IKBKE: variants seen among roughly 807,000 people sequenced by gnomAD.
The protein encoded by IKBKE is inhibitor of nuclear factor kappa B kinase subunit epsilon.
Under a neutral mutation model 92.1 loss-of-function variants are expected in IKBKE, and 45 were observed. The observed-to-expected ratio is 0.49, with a 90% CI of 0.38 to 0.63. The LOEUF is 0.63. Among genes scored for constraint, IKBKE ranks in the 20% least tolerant of loss-of-function variants. The probability of loss-of-function intolerance (pLI) is 0.00; values close to 1 mark genes in which losing one functional copy is unlikely to be tolerated. For missense variants in IKBKE, 700 were observed against 932.8 expected, an observed-to-expected ratio of 0.75 and a Z score of 3.25; for synonymous variants, 374 against 380.3, an observed-to-expected ratio of 0.98 and a Z score of 0.19.
rs782660796 is a variant in IKBKE, at chr1:206,479,856, G to T, written c.1184-14G>T. 3.7e-6 allele frequency: 6 copies of T among 1,613,668 alleles called. No individual in the cohort carries two copies. Among genetic ancestry groups the T allele is most frequent in the South Asian group, 1.1e-5 (1 of 90,986 alleles). ...CATACAGGCAGGCCCCTCAGACAGG[G>T]TCTTTGTCTGCAGCTGCTCTGGACG... On this transcript the variant is annotated splice_polypyrimidine_tract_variant and intron_variant, in intron 10 of 21. Coordinates refer to ENST00000581977, the MANE Select transcript of IKBKE (RefSeq NM_014002.4).
At chr1:206,483,476 C>T (rs1343902934) in intron 13 of IKBKE, among the ~76,000 whole-genome samples, 7 of 152,186 alleles carry the variant, frequency 4.6e-5, no homozygotes, top group African/African-American at 9.7e-5. Flanking sequence ...AGGCACGAGA[C>T]GTACGAGGAG....
chr1:206,493,347 C>G lies in IKBKE; in HGVS notation c.2014C>G (p.Pro672Ala), dbSNP rs1225884653. ...QASPPPIAPY[P>A]SPTRKDLLLH... ...CTCGCCGCCTCCCATAGCTCCTTAC[C>G]CCAGCCCTACACGAAAGGACCTGCT... is the stretch of plus-strand genomic sequence containing the variant. The change falls in exon 20 of 22, where the codon CCC becomes GCC. Residue 672 changes from proline (P) to alanine (A), a missense_variant. Transcript: ENST00000581977. 4 of 1,613,822 alleles carry G rather than the reference C, an allele frequency of 2.5e-6. No individual in the cohort carries two copies. Among genetic ancestry groups the G allele is most frequent in the Non-Finnish European group, 3.4e-6 (4 of 1,179,872 alleles).
In IKBKE at chr1:206,490,953, C is replaced by A; in HGVS notation, c.1733+95C>A. ...ACGCCAGAGGAGAGGCAGTGAAGGG[C>A]CCTGTCCCGGACTGCAGCTGAGCAG... On this transcript the variant is annotated intron_variant, in intron 17 of 21. Coordinates refer to ENST00000581977, the MANE Select transcript of IKBKE (RefSeq NM_014002.4). This position sits in a 1 kb window ranked among gnomAD's most constrained non-coding sequence, Gnocchi z 5.2. The A allele has an allele frequency of 8.4e-7, 1 of 1,187,672 alleles. No homozygotes were observed. The highest frequency in any genetic ancestry group is 1.3e-6 in the Non-Finnish European group (1 of 798,402). The allele number at this position is 1,187,672 out of a possible 1,614,324, so 73.6% of individuals were successfully genotyped here.
At chr1:206,484,394 G>A (rs1553388017) in intron 13 of IKBKE, among the ~76,000 whole-genome samples, 3 of 152,154 alleles carry the variant, frequency 2.0e-5, no homozygotes, top group Non-Finnish European at 4.4e-5. Context: ...CCACTGGCTG[G>A]TGATGGCCTG....
At position 206,491,712 on chromosome 1, in the gene IKBKE, T is replaced by C. The variant is rs782141896; in HGVS notation, c.1798T>C (p.Tyr600His). 6.2e-7 allele frequency: 1 copy of C among 1,613,526 alleles called. No homozygotes were observed. Among genetic ancestry groups the C allele is most frequent in the African/African-American group, 1.3e-5 (1 of 74,996 alleles). The change falls in exon 18 of 22, where the codon TAT becomes CAT. Residue 600 changes from tyrosine to histidine, a missense_variant. Coordinates refer to ENST00000581977, the MANE Select transcript of IKBKE (RefSeq NM_014002.4). ...GTTCCAGGAGGAGTGCGTGCAGAAG[T>C]ATCAAGCGTCCTTAGTCACACACGG... Reference protein sequence around the residue: ...QVFQEECVQKYQASLVTHGKR... With the variant: ...QVFQEECVQKHQASLVTHGKR...
Position 206,485,289 on chromosome 1 carries a change from G to C in IKBKE, c.1599G>C (p.Gln533His). ...LNRELVKSRDQVHEDRSIQQI... is the reference protein window; with the variant it reads ...LNRELVKSRDHVHEDRSIQQI... ...GGGAGCTGGTGAAGAGCCGGGATCAGGTACATGAGGACAGAAGGTCTGTGG... is the reference window on the plus strand; with the variant it reads ...GGGAGCTGGTGAAGAGCCGGGATCACGTACATGAGGACAGAAGGTCTGTGG... The change falls in exon 15 of 22, where the codon CAG becomes CAC. Residue 533 changes from glutamine (Q) to histidine (H), a missense_variant. Physicochemically the swap from Gln to His is conservative, Grantham distance 24. Coordinates refer to ENST00000581977, the MANE Select transcript of IKBKE (RefSeq NM_014002.4). The surrounding 1 kb of genome is among the most constrained non-coding windows in gnomAD (Gnocchi z 5.0). 2 of 1,608,876 alleles carry C rather than the reference G, an allele frequency of 1.2e-6. No individual in the cohort carries two copies. The highest frequency in any genetic ancestry group is 8.5e-7 in the Non-Finnish European group (1 of 1,175,150).
intron 1 of IKBKE, among the ~76,000 whole-genome samples, 196 bp from the exon 2 acceptor site, chr1:206,470,960 G>A (rs928030150): frequency 6.6e-6 from 1 of 152,218 alleles, no homozygotes; most frequent in Non-Finnish European, 1.5e-5. Flanking sequence ...CCTGGCCGGA[G>A]TCTCAGGAGT....
At chr1:206,494,404 G>T (rs74145799) in intron 21 of IKBKE, among the ~76,000 whole-genome samples, 3,457 of 152,112 alleles carry the variant, frequency 0.023, 155 homozygotes, top group African/African-American at 0.079. Context: ...CCCAAGGCCG[G>T]TGTTTCTCTG....
chr1:206,490,680 C>T lies in IKBKE; in HGVS notation c.1694-139C>T, dbSNP rs1665901765. 2 of 820,874 alleles carry T rather than the reference C, an allele frequency of 2.4e-6. No homozygotes were observed. Among genetic ancestry groups the T allele is most frequent in the South Asian group, 2.9e-5 (2 of 69,462 alleles). The allele number at this position is 820,874 out of a possible 1,614,324, so 50.8% of individuals were successfully genotyped here. On this transcript the variant is annotated intron_variant, in intron 16 of 21. Transcript: ENST00000581977. The surrounding 1 kb of genome is among the most constrained non-coding windows in gnomAD (Gnocchi z 5.2). ...TGCTAGCTTCACTCCTCTGCCCCTCCTGCTCCGCTGGGCGGTGAGTTCCCG... is the reference window on the plus strand; with the variant it reads ...TGCTAGCTTCACTCCTCTGCCCCTCTTGCTCCGCTGGGCGGTGAGTTCCCG...
intron 18 of IKBKE, 146 bp downstream of exon 18, chr1:206,491,895 T>C (rs1203069308): frequency 5.0e-6 from 3 of 600,020 alleles, no homozygotes; most frequent in Non-Finnish European, 9.0e-6. Context: ...TGTCCCTGGG[T>C]GGACCAGGCA....
chr1:206,491,226 C>G (rs1665936649), intron 17 of IKBKE: 1 of 389,008 alleles, frequency 2.6e-6, no homozygotes, highest in Non-Finnish European at 4.8e-6. Context: ...CGGACACACT[C>G]ACGTCCAGGA....
At chr1:206,484,067 G>T (rs1035320020) in intron 13 of IKBKE, among the ~76,000 whole-genome samples, 2 of 150,646 alleles carry the variant, frequency 1.3e-5, no homozygotes, top group African/African-American at 4.9e-5. Flanking sequence ...TGGTATTACC[G>T]GTGTGAGCCA....
rs1553391273 is a variant in IKBKE, at chr1:206,493,433, G to A, written c.2045+55G>A. ...TCTGTGTGGAAGGGGGTTGCAGGGA[G>A]CAGAGTATGCTGAGGTTAGAGCCTG... On this transcript the variant is annotated intron_variant, in intron 20 of 21. Coordinates refer to ENST00000581977, the MANE Select transcript of IKBKE (RefSeq NM_014002.4). The A allele has an allele frequency of 4.5e-6, 6 of 1,324,506 alleles. No homozygotes were observed. In the African/African-American group the frequency reaches 5.8e-5, roughly 13 times the overall value. The allele number at this position is 1,324,506 out of a possible 1,614,324, so 82.0% of individuals were successfully genotyped here. A position where few individuals can be genotyped will look rare whatever the true frequency, so the allele number is the denominator to read the frequency against.
Position 206,476,338 on chromosome 1 carries a change from G to A in IKBKE, c.516G>A (p.Ser172=), listed in dbSNP as rs41296030. 1,382 of 1,613,162 alleles carry A rather than the reference G, an allele frequency of 8.6e-4. 4 individuals are homozygous for A. The African/African-American group carries it at 0.015, about 18-fold the overall frequency. The change falls in exon 6 of 22, where the codon TCG becomes TCA. Residue 172 remains serine, a synonymous_variant. Transcript: ENST00000581977. This position sits in a 1 kb window ranked among gnomAD's most constrained non-coding sequence, Gnocchi z 5.1. ...RELDDDEKFV[S]VYGTEEYLHP... is the part of the protein sequence containing the mutation. ...TGGATGATGATGAGAAGTTCGTCTCGGTCTATGGGACTGAGGAGTACCTGG... is the reference window on the plus strand; with the variant it reads ...TGGATGATGATGAGAAGTTCGTCTCAGTCTATGGGACTGAGGAGTACCTGG...
Position 206,485,494 on chromosome 1 carries a change from CAGG to C in IKBKE, c.1616+194_1616+196del, listed in dbSNP as rs1400541556. On this transcript the variant is annotated intron_variant, in intron 15 of 21. Coordinates refer to ENST00000581977, the MANE Select transcript of IKBKE (RefSeq NM_014002.4). This position sits in a 1 kb window ranked among gnomAD's most constrained non-coding sequence, Gnocchi z 5.0. ...CCCCCCGACTGCCCCAGACACCAGCCAGGAGGAGAAAAGGATCTGGGGTCCTGC... is the reference window on the plus strand; with the variant it reads ...CCCCCCGACTGCCCCAGACACCAGCCAGGAGAAAAGGATCTGGGGTCCTGC... Among the ~76,000 whole-genome samples, 2 of 152,092 alleles carry C rather than the reference CAGG, an allele frequency of 1.3e-5. No individual in the cohort carries two copies. The highest frequency in any genetic ancestry group is 2.9e-5 in the Non-Finnish European group (2 of 68,024).
rs1553385836 is a variant in IKBKE at position 206,477,810 on chromosome 1, G to A, written c.763G>A (p.Gly255Arg). The change falls in exon 8 of 22, where the codon GGG becomes AGG. Residue 255 changes from glycine (G) to arginine (R), a missense_variant. Transcript: ENST00000581977. ...TGCAGGTGCCCAGAGGCGGGAGAAC[G>A]GGCCCCTGGAGTGGAGCTACACCCT... ...AIAGAQRREN[G>R]PLEWSYTLPI... 2.6e-6 allele frequency: 4 copies of A among 1,560,952 alleles called. No homozygotes were observed. The highest frequency in any genetic ancestry group is 3.8e-5 in the Admixed American group (2 of 52,412).
chr1:206,476,046 C>A lies in IKBKE; in HGVS notation c.359-135C>A. ...CCCATGCATGTCTCTGTCCTTCTGC[C>A]TGTCCCATGGCTCTGTCAGCCCATG... On this transcript the variant is annotated intron_variant, in intron 5 of 21. Coordinates refer to ENST00000581977, the MANE Select transcript of IKBKE (RefSeq NM_014002.4). The surrounding 1 kb of genome is among the most constrained non-coding windows in gnomAD (Gnocchi z 5.1). 1.3e-6 allele frequency: 1 copy of A among 757,370 alleles called. No individual in the cohort carries two copies. Among genetic ancestry groups the A allele is most frequent in the South Asian group, 1.6e-5 (1 of 60,872 alleles). 46.9% of individuals were successfully genotyped at this position (757,370 alleles called of 1,614,324 possible).
At chr1:206,489,369 G>GTGTATATATA (rs1452670242) in intron 16 of IKBKE, among the ~76,000 whole-genome samples, 1 of 119,210 alleles carries the variant, frequency 8.4e-6, no homozygotes, top group Non-Finnish European at 1.7e-5. Context: ...GTGTGTGTGT[G>GTGTATATATA]TATATATATA....
chr1:206,478,482 C>A lies in IKBKE; in HGVS notation c.992+143C>A. ...AGGTCCAAACGTAGTTGGGAAAAGA[C>A]TAGTTCTACAAAGTTAAAGCTAAAC... is the stretch of plus-strand genomic sequence containing the variant. On this transcript the variant is annotated intron_variant, in intron 9 of 21. Transcript: ENST00000581977. This position sits in a 1 kb window ranked among gnomAD's most constrained non-coding sequence, Gnocchi z 4.8. The A allele has an allele frequency of 1.2e-6, 1 of 845,374 alleles. No homozygotes were observed. The highest frequency in any genetic ancestry group is 1.9e-6 in the Non-Finnish European group (1 of 530,084). The allele number at this position is 845,374 out of a possible 1,614,324, so 52.4% of individuals were successfully genotyped here.
Sources: allele counts gnomAD v4.1 joint callset (sites outside exome capture counted in the v4.1 genomes callset), GRCh38; gene constraint gnomAD v4.1.1; non-coding constraint Gnocchi (gnomAD v3.1); transcripts MANE v1.5; gene names NCBI Gene and HGNC (gene_info 2026-07-23, HGNC 2026-07-21).